TXNDC11: variants seen among roughly 807,000 people sequenced by gnomAD.
TXNDC11 encodes thioredoxin domain-containing protein 11.
Under a neutral mutation model 78.0 loss-of-function variants are expected in TXNDC11, and 68 were observed. The observed-to-expected ratio is 0.87, with a 90% CI of 0.72 to 1.07. The LOEUF (loss-of-function observed/expected upper bound fraction) is 1.07, where lower values mean the gene tolerates loss of function less well. Among genes scored for constraint, TXNDC11 ranks in the 50% least tolerant of loss-of-function variants. The pLI, the probability that TXNDC11 is intolerant of heterozygous loss-of-function variation, is 0.00. For synonymous variants in TXNDC11, 571 were observed against 495.2 expected (o/e 1.15, Z -2.03); for missense variants, 1,389 against 1,221.8 (o/e 1.14, Z -2.04).
intron 1 of TXNDC11, among the ~76,000 whole-genome samples, chr16:11,738,459 G>A (rs2052292214): frequency 6.6e-6 from 1 of 152,154 alleles, no homozygotes; most frequent in African/African-American, 2.4e-5. Context: ...ACTTTCTAGG[G>A]GAGGAAGACA....
intron 4 of TXNDC11, 35 bp downstream of exon 4, chr16:11,730,610 T>C (rs199623029): frequency 2.7e-4 from 441 of 1,606,964 alleles, no homozygotes; most frequent in Non-Finnish European, 3.6e-4. Flanking sequence ...GTGAAAGGCC[T>C]TGAGTATGGA....
At chr16:11,685,020 C>T (rs568871211) in intron 10 of TXNDC11, among the ~76,000 whole-genome samples, 80 of 152,274 alleles carry the variant, frequency 5.3e-4, no homozygotes, top group Admixed American at 2.2e-3. Context: ...AGTGAGGGTG[C>T]GGTAAGTGTC....
intron 3 of TXNDC11, among the ~76,000 whole-genome samples, chr16:11,733,610 G>A (rs2052123533): frequency 6.6e-6 from 1 of 152,164 alleles, no homozygotes; most frequent in African/African-American, 2.4e-5. Context: ...GATACACTCT[G>A]GACTCTGCTA....
rs924387223 is a variant in TXNDC11 at position 11,742,838 on chromosome 16, G to C, written c.-108C>G. ...CGCAGCTCGCCGCACCCGCTAACCC[G>C]GACGCTCCACGTCAGCCGCGCCGCC... On this transcript the variant is annotated 5_prime_UTR_variant, in exon 1 of 12. Transcript: ENST00000283033. 1.5e-6 allele frequency: 2 copies of C among 1,352,156 alleles called. No individual in the cohort carries two copies. Among genetic ancestry groups the C allele is most frequent in the Non-Finnish European group, 1.9e-6 (2 of 1,057,170 alleles). The allele number at this position is 1,352,156 out of a possible 1,614,324, so 83.8% of individuals were successfully genotyped here. A position where few individuals can be genotyped will look rare whatever the true frequency, so the allele number is the denominator to read the frequency against.
intron 8 of TXNDC11, 47 bp downstream of exon 8, chr16:11,691,243 G>C: frequency 6.6e-7 from 1 of 1,510,364 alleles, no homozygotes; most frequent in Non-Finnish European, 9.0e-7. Flanking sequence ...CCCATATGAA[G>C]TCAAGCAAAA....
At position 11,700,676 on chromosome 16, in the gene TXNDC11, T is replaced by C. The variant is rs945225215; in HGVS notation, c.794-112A>G. 2.7e-5 allele frequency: 16 copies of C among 585,276 alleles called. No homozygotes were observed. In the Admixed American group the frequency reaches 5.1e-4, roughly 19 times the overall value. 36.3% of individuals were successfully genotyped at this position (585,276 alleles called of 1,614,324 possible). A position where few individuals can be genotyped will look rare whatever the true frequency, so the allele number is the denominator to read the frequency against. On this transcript the variant is annotated intron_variant, in intron 5 of 11. Coordinates refer to ENST00000283033, the MANE Select transcript of TXNDC11 (RefSeq NM_015914.7). ...ACCCCTGCAGCTAAGCTCCTTCTGG[T>C]AACCTAGCCTAGAGAGGGAAGGAAG...
chr16:11,734,138 A>T (rs1468644455), intron 2 of TXNDC11, 59 bp from the exon 3 acceptor site: 1 of 1,099,232 alleles, frequency 9.1e-7, no homozygotes, highest in Non-Finnish European at 1.3e-6. Context: ...AGTTACCAAG[A>T]TTTAAAAGAT....
At chr16:11,686,575 T>C (rs1017096192) in intron 10 of TXNDC11, among the ~76,000 whole-genome samples, 2 of 152,258 alleles carry the variant, frequency 1.3e-5, no homozygotes, top group Admixed American at 6.5e-5. Context: ...TTCCATTAGA[T>C]ACATCTGACT....
At chr16:11,703,724 C>T (rs1196712192) in intron 5 of TXNDC11, 7 of 701,756 alleles carry the variant, frequency 1.0e-5, no homozygotes, top group Non-Finnish European at 1.6e-5. Context: ...GAAACCAGGG[C>T]CCTTGGAGAA....
intron 5 of TXNDC11, among the ~76,000 whole-genome samples, chr16:11,709,871 A>G (rs1168412003): frequency 2.0e-5 from 3 of 152,178 alleles, no homozygotes; most frequent in Non-Finnish European, 4.4e-5. Flanking sequence ...TAAAATAAAC[A>G]CCCTCACACC....
Position 11,679,975 on chromosome 16 carries a change from G to T in TXNDC11, c.2235-138C>A. ...GTGGATTTTACTTACTGAAAGTAAG[G>T]AAAATGTTGCCTGGGCAAGAAATTC... On this transcript the variant is annotated intron_variant, in intron 11 of 11. Coordinates refer to ENST00000283033, the MANE Select transcript of TXNDC11 (RefSeq NM_015914.7). This position sits in a 1 kb window ranked among gnomAD's most constrained non-coding sequence, Gnocchi z 4.6. 1.3e-6 allele frequency: 1 copy of T among 767,176 alleles called. No homozygotes were observed. The highest frequency in any genetic ancestry group is 2.1e-6 in the Non-Finnish European group (1 of 481,422). 47.5% of individuals were successfully genotyped at this position (767,176 alleles called of 1,614,324 possible).
intron 10 of TXNDC11, among the ~76,000 whole-genome samples, chr16:11,685,463 G>A (rs549529826): frequency 2.8e-4 from 42 of 152,178 alleles, no homozygotes; most frequent in Middle Eastern, 3.4e-3. Flanking sequence ...GGCTAACGCG[G>A]TGAAACGCCA....
At chr16:11,737,646 G>A (rs1274298829) in intron 1 of TXNDC11, among the ~76,000 whole-genome samples, 7 of 151,900 alleles carry the variant, frequency 4.6e-5, no homozygotes, top group South Asian at 4.1e-4. Flanking sequence ...GGCAGACCAC[G>A]AGGTCAGGAG....
chr16:11,706,904 T>C (rs1369625092), intron 5 of TXNDC11, among the ~76,000 whole-genome samples: 1 of 151,760 alleles, frequency 6.6e-6, no homozygotes, highest in Non-Finnish European at 1.5e-5. Context: ...TACATGCATA[T>C]TTTTTTTAAC....
chr16:11,721,542 G>T, intron 5 of TXNDC11, 35 bp downstream of exon 5: 1 of 1,180,844 alleles, frequency 8.5e-7, no homozygotes, highest in South Asian at 1.3e-5. Context: ...CAATTCTACT[G>T]AAGTAACAAT....
intron 11 of TXNDC11, among the ~76,000 whole-genome samples, chr16:11,682,617 T>G (rs571584773): frequency 1.3e-5 from 2 of 152,314 alleles, no homozygotes; most frequent in South Asian, 4.1e-4. Context: ...ATTTTCATAT[T>G]TTTTCAAACT....
At chr16:11,696,105 C>T (rs1453489772) in intron 7 of TXNDC11, among the ~76,000 whole-genome samples, 1 of 152,090 alleles carries the variant, frequency 6.6e-6, no homozygotes, top group Non-Finnish European at 1.5e-5. Context: ...ACAAGGCCCT[C>T]TCCTCCAAAG....
At chr16:11,732,849 T>C (rs2052095699) in intron 3 of TXNDC11, among the ~76,000 whole-genome samples, 1 of 152,208 alleles carries the variant, frequency 6.6e-6, no homozygotes, top group African/African-American at 2.4e-5. Context: ...CCATTGATTA[T>C]GGCCCAAGAA....
At position 11,691,284 on chromosome 16, in the gene TXNDC11, C is replaced by T. The variant is rs1035245492; in HGVS notation, c.1900+6G>A. The T allele has an allele frequency of 1.9e-6, 3 of 1,603,068 alleles. No individual in the cohort carries two copies. In the South Asian group the frequency reaches 3.3e-5, roughly 18 times the overall value. ...AATGCTTGGGGAAATAAACTGCCTG[C>T]AGTACCTAGGGTGAGCTTCATCAGT... On this transcript the variant is annotated splice_donor_region_variant and intron_variant, in intron 8 of 11. Transcript: ENST00000283033.
Sources: gnomAD v4.1 joint callset for allele counts (sites outside exome capture counted in the v4.1 genomes callset) on GRCh38, gnomAD v4.1.1 for gene constraint, Gnocchi (gnomAD v3.1) non-coding constraint, MANE v1.5 for transcripts, NCBI Gene and HGNC (gene_info 2026-07-23, HGNC 2026-07-21) for gene names.